PRKCB: variants seen among roughly 807,000 people sequenced by gnomAD.
The protein encoded by PRKCB is protein kinase C beta type.
PRKCB carries 13 observed loss-of-function variants against 81.5 expected under a neutral mutation model. The observed-to-expected ratio is 0.16, with a 90% CI of 0.10 to 0.25. The LOEUF (loss-of-function observed/expected upper bound fraction) is 0.25, where lower values mean the gene tolerates loss of function less well. PRKCB is among the 10% of genes least tolerant of loss of function. The pLI is 1.00. For synonymous variants in PRKCB, 335 were observed against 321.4 expected (o/e 1.04, Z -0.45); for missense variants, 509 against 875.7 (o/e 0.58, Z 5.29).
intron 2 of PRKCB, among the ~76,000 whole-genome samples, chr16:23,902,706 A>T (rs1007166269): frequency 3.5e-5 from 4 of 114,898 alleles, no homozygotes; most frequent in African/African-American, 9.4e-5. Context: ...AACTGAGCTC[A>T]AAAGTTTTTC....
rs141422161 is a variant in PRKCB, at chr16:23,851,535, C to T, written c.205+14129C>T. On this transcript the variant is annotated intron_variant, in intron 2 of 16. Coordinates refer to ENST00000643927, the MANE Select transcript of PRKCB (RefSeq NM_002738.7). ...GTCGTGTGATTCCTCCAGCTTTGTT[C>T]TTTTTGCTCAATGTTGTCTTGGCTA... Among the ~76,000 whole-genome samples the T allele has an allele frequency of 7.3e-3, 1,107 of 152,190 alleles. 13 individuals carry two copies. Among genetic ancestry groups the T allele is most frequent in the African/African-American group, 0.024 (1,013 of 41,522 alleles).
At chr16:24,027,206 C>T (rs1965493052) in intron 3 of PRKCB, among the ~76,000 whole-genome samples, 1 of 152,124 alleles carries the variant, frequency 6.6e-6, no homozygotes, top group Admixed American at 6.6e-5. Context: ...GATGTGTTCT[C>T]ATCGTTCAAC....
Position 23,837,208 on chromosome 16 carries a change from C to T in PRKCB, c.174-167C>T. ...AAGGCAGATGGGGGTTACAGCCGAGCTCCCACCTACCCCCACAAAGGCGGA... is the reference window on the plus strand; with the variant it reads ...AAGGCAGATGGGGGTTACAGCCGAGTTCCCACCTACCCCCACAAAGGCGGA... On this transcript the variant is annotated intron_variant, in intron 1 of 16. Coordinates refer to ENST00000643927, the MANE Select transcript of PRKCB (RefSeq NM_002738.7). 3.7e-6 allele frequency: 3 copies of T among 800,896 alleles called. No homozygotes were observed. The South Asian group carries it at 4.2e-5, about 11-fold the overall frequency. The allele number at this position is 800,896 out of a possible 1,614,324, so 49.6% of individuals were successfully genotyped here. A position where few individuals can be genotyped will look rare whatever the true frequency, so the allele number is the denominator to read the frequency against.
At chr16:24,069,689 G>A (rs921197356) in intron 5 of PRKCB, among the ~76,000 whole-genome samples, 12 of 152,122 alleles carry the variant, frequency 7.9e-5, no homozygotes, top group Admixed American at 3.3e-4. Flanking sequence ...GCAGTGAGTC[G>A]TGATTGCACT....
At chr16:24,020,466 A>G (rs1379874510) in intron 3 of PRKCB, among the ~76,000 whole-genome samples, 1 of 152,202 alleles carries the variant, frequency 6.6e-6, no homozygotes, top group South Asian at 2.1e-4. Context: ...ACAGCTCATG[A>G]CTGAAGCTGG....
At chr16:23,958,576 TACAGGTGTGAGCC>T (rs1964381639) in intron 2 of PRKCB, among the ~76,000 whole-genome samples, 1 of 152,148 alleles carries the variant, frequency 6.6e-6, no homozygotes, top group South Asian at 2.1e-4. Flanking sequence ...GTGCTGGGAT[TACAGGTGTGAGCC>T]ACTGCGCCCA....
chr16:24,077,012 A>T (rs1966186720), intron 5 of PRKCB, among the ~76,000 whole-genome samples: 1 of 152,190 alleles, frequency 6.6e-6, no homozygotes, highest in Non-Finnish European at 1.5e-5. Context: ...CCACAGTCCC[A>T]GCTGCTCCCC....
chr16:23,877,524 G>A (rs1206069884), intron 2 of PRKCB, among the ~76,000 whole-genome samples: 1 of 152,116 alleles, frequency 6.6e-6, no homozygotes, highest in Admixed American at 6.5e-5. Flanking sequence ...GCCCATGGGT[G>A]TTCCCAAAAG....
chr16:24,197,570 C>T (rs1967898069), intron 16 of PRKCB, among the ~76,000 whole-genome samples: 1 of 152,128 alleles, frequency 6.6e-6, no homozygotes, highest in Non-Finnish European at 1.5e-5. Flanking sequence ...GCTTTTACAC[C>T]AACTCATGAG....
intron 5 of PRKCB, among the ~76,000 whole-genome samples, chr16:24,084,140 G>A (rs1299628733): frequency 6.6e-6 from 1 of 152,064 alleles, no homozygotes; most frequent in Non-Finnish European, 1.5e-5. Flanking sequence ...GCAGGGGAAA[G>A]GGACAAATAA....
rs538327186 is a variant in PRKCB at position 24,044,200 on chromosome 16, A to T, written c.529+8653A>T. 3.3e-5 allele frequency among the ~76,000 whole-genome samples: 5 copies of T among 152,200 alleles called. No individual in the cohort carries two copies. The South Asian group carries it at 1.0e-3, about 32-fold the overall frequency. On this transcript the variant is annotated intron_variant, in intron 5 of 16. Transcript: ENST00000643927. The stretch of plus-strand genomic sequence containing the variant: ...TGAAACCCCGTCTCTACTAAAAAAA[A>T]TCCAAAAAATTAGCTGGGTATGGTG...
In PRKCB at chr16:24,077,273, G is replaced by C. The variant is rs74013121; in HGVS notation, c.530-15518G>C. On this transcript the variant is annotated intron_variant, in intron 5 of 16. Coordinates refer to ENST00000643927, the MANE Select transcript of PRKCB (RefSeq NM_002738.7). ...CAGTAGATGCCTTGAGATATGGATA[G>C]TTTGGTAAAATTATGATAATAAGAA... Among the ~76,000 whole-genome samples the C allele has an allele frequency of 7.4e-3, 1,127 of 152,210 alleles. 16 individuals carry two copies. Among genetic ancestry groups the C allele is most frequent in the African/African-American group, 0.025 (1,050 of 41,512 alleles).
At position 24,218,267 on chromosome 16, in the gene PRKCB, A is replaced by G; in HGVS notation, c.*3451A>G. 2.0e-6 allele frequency: 2 copies of G among 985,384 alleles called. No homozygotes were observed. Among genetic ancestry groups the G allele is most frequent in the Non-Finnish European group, 2.4e-6 (2 of 829,934 alleles). 61.0% of individuals were successfully genotyped at this position (985,384 alleles called of 1,614,324 possible). A position where few individuals can be genotyped will look rare whatever the true frequency, so the allele number is the denominator to read the frequency against. ...CTTGTGGGGATTGGGAGAGAGATGC[A>G]CAGACAATATTAAAGAGGAGGCATT... On this transcript the variant is annotated 3_prime_UTR_variant, in exon 17 of 17. Transcript: ENST00000643927.
chr16:24,126,326 G>A (rs1966844220), intron 9 of PRKCB, among the ~76,000 whole-genome samples: 1 of 152,208 alleles, frequency 6.6e-6, no homozygotes, highest in Non-Finnish European at 1.5e-5. Flanking sequence ...CTCTGATGAT[G>A]AGGAAGAAAG....
chr16:24,178,235 C>T (rs1221337737), intron 12 of PRKCB, among the ~76,000 whole-genome samples: 2 of 152,174 alleles, frequency 1.3e-5, no homozygotes, highest in Non-Finnish European at 2.9e-5. Flanking sequence ...GATTTACTGA[C>T]CACTGTCTCT....
At chr16:23,922,191 A>G (rs1963835390) in intron 2 of PRKCB, among the ~76,000 whole-genome samples, 1 of 152,266 alleles carries the variant, frequency 6.6e-6, no homozygotes, top group African/African-American at 2.4e-5. Flanking sequence ...TTGTAGACTC[A>G]AATCCTACAG....
At chr16:23,984,714 G>A (rs984651802) in intron 2 of PRKCB, among the ~76,000 whole-genome samples, 5 of 152,176 alleles carry the variant, frequency 3.3e-5, no homozygotes, top group South Asian at 2.1e-4. Context: ...ATTTAAACAC[G>A]TTGAGAAGAA....
intron 5 of PRKCB, among the ~76,000 whole-genome samples, chr16:24,066,075 CTGTGTG>C (rs58216806): frequency 0.011 from 1,508 of 139,662 alleles, 27 homozygotes; most frequent in African/African-American, 0.034. Flanking sequence ...TGTGATGTTC[CTGTGTG>C]TGTGTGTGTG....
At chr16:23,873,753 G>T (rs1802518697) in intron 2 of PRKCB, among the ~76,000 whole-genome samples, 1 of 152,204 alleles carries the variant, frequency 6.6e-6, no homozygotes, top group Non-Finnish European at 1.5e-5. Context: ...AGGAAAGTCT[G>T]CCAGGCATGA....
Sources: gnomAD v4.1 joint callset for allele counts (sites outside exome capture counted in the v4.1 genomes callset) on GRCh38, gnomAD v4.1.1 for gene constraint, MANE v1.5 for transcripts, NCBI Gene and HGNC (gene_info 2026-07-23, HGNC 2026-07-21) for gene names.